DENND5B: variants seen among roughly 807,000 people sequenced by gnomAD.
DENND5B encodes DENN domain containing 5B.
In DENND5B, 34 loss-of-function variants were observed where a neutral mutation model predicts 140.6. The observed-to-expected ratio is 0.24, with a 90% confidence interval of 0.18 to 0.32. DENND5B has a LOEUF of 0.32. DENND5B is among the 10% of genes least tolerant of loss of function. The pLI, the probability that DENND5B is intolerant of heterozygous loss-of-function variation, is 1.00. For synonymous variants in DENND5B, 551 were observed against 562.1 expected, an observed-to-expected ratio of 0.98 and a Z score of 0.28; for missense variants, 1,142 against 1,560.2, an observed-to-expected ratio of 0.73 and a Z score of 4.52.
intron 1 of DENND5B, among the ~76,000 whole-genome samples, chr12:31,560,940 G>T (rs569259587): frequency 1.7e-5 from 2 of 117,034 alleles, no homozygotes; most frequent in Non-Finnish European, 4.4e-5. Context: ...CTACCAAAAA[G>T]AGAGAGTAAA....
At position 31,392,663 on chromosome 12, in the gene DENND5B, C is replaced by A; in HGVS notation, c.3290G>T (p.Gly1097Val). The A allele has an allele frequency of 6.4e-7, 1 of 1,558,200 alleles. No homozygotes were observed. Among genetic ancestry groups the A allele is most frequent in the Non-Finnish European group, 8.7e-7 (1 of 1,149,850 alleles). Reference sequence around the variant, plus strand: ...TTTCACAATATTGTTCACAGCTTCTCCAATTCCTTCTTGTATCTGCCCAGC... The same window carrying A: ...TTTCACAATATTGTTCACAGCTTCTACAATTCCTTCTTGTATCTGCCCAGC... ...PNAGQIQEGIGEAVNNIVKHF... is the reference protein window; with the variant it reads ...PNAGQIQEGIVEAVNNIVKHF... The change falls in exon 18 of 21, where the codon GGA (glycine) becomes GTA (valine). Residue 1097 changes from glycine (G) to valine (V), a missense_variant. Physicochemically the swap from Gly to Val is moderately radical, Grantham distance 109. Coordinates refer to ENST00000389082, the MANE Select transcript of DENND5B (RefSeq NM_144973.4).
chr12:31,404,420 C>T (rs1242547195), intron 14 of DENND5B, among the ~76,000 whole-genome samples: 2 of 152,140 alleles, frequency 1.3e-5, no homozygotes, highest in African/African-American at 4.8e-5. Flanking sequence ...TCTCAGCCTC[C>T]CCAGCAGTTG....
chr12:31,581,968 T>C (rs945327937), intron 1 of DENND5B, among the ~76,000 whole-genome samples: 21 of 147,322 alleles, frequency 1.4e-4, no homozygotes, highest in Non-Finnish European at 2.4e-4. Flanking sequence ...CGATGCAAAT[T>C]CCATGTAAAT....
Position 31,476,138 on chromosome 12 carries a change from T to A in DENND5B, c.904+3451A>T, listed in dbSNP as rs531809067. ...AAGACTCCGTCTCAATAAAAAAAAATAAAAATAAAAAATAAAAGAGGAAGT... is the reference window on the plus strand; with the variant it reads ...AAGACTCCGTCTCAATAAAAAAAAAAAAAAATAAAAAATAAAAGAGGAAGT... On this transcript the variant is annotated intron_variant, in intron 3 of 20. Coordinates refer to ENST00000389082, the MANE Select transcript of DENND5B (RefSeq NM_144973.4). Among the ~76,000 whole-genome samples the A allele has an allele frequency of 7.4e-3, 1,098 of 148,772 alleles. 5 individuals are homozygous for A. The highest frequency in any genetic ancestry group is 0.011 in the Non-Finnish European group (721 of 67,202).
At position 31,406,687 on chromosome 12, in the gene DENND5B, C is replaced by A. The variant is rs145260522; in HGVS notation, c.2803+2576G>T. ...ATTTCATAGTTTAAGTATGAAAAAG[C>A]AATATGATTAAATTTAAAAATTTCT... On this transcript the variant is annotated intron_variant, in intron 14 of 20. Transcript: ENST00000389082. Among the ~76,000 whole-genome samples the A allele has an allele frequency of 4.2e-3, 635 of 152,214 alleles. 5 individuals are homozygous for A. Among genetic ancestry groups the A allele is most frequent in the African/African-American group, 0.014 (578 of 41,524 alleles).
intron 1 of DENND5B, among the ~76,000 whole-genome samples, chr12:31,571,977 C>T (rs1315231750): frequency 6.6e-6 from 1 of 152,188 alleles, no homozygotes; most frequent in East Asian, 1.9e-4. Context: ...GTAATCTCAG[C>T]ACTTTGGGAG....
In DENND5B at chr12:31,455,932, T is replaced by C. The variant is rs559449765; in HGVS notation, c.1093-3456A>G. Among the ~76,000 whole-genome samples the C allele has an allele frequency of 1.2e-3, 178 of 152,192 alleles. 2 individuals are homozygous for C. The highest frequency in any genetic ancestry group is 4.2e-3 in the African/African-American group (176 of 41,514). On this transcript the variant is annotated intron_variant, in intron 4 of 20. Transcript: ENST00000389082. The stretch of plus-strand genomic sequence containing the variant: ...TAGTTGAGAGGTTGAGGCAGGAGAA[T>C]CACTTGAACCCAGGAGGCAGAGGTT...
chr12:31,414,073 T>C (rs1226865435), intron 12 of DENND5B, among the ~76,000 whole-genome samples: 3 of 152,212 alleles, frequency 2.0e-5, no homozygotes, highest in Non-Finnish European at 2.9e-5. Context: ...CCAGACTGCA[T>C]TGATAATCTT....
At chr12:31,500,677 CAAAAAAAAAAA>C (rs58877023) in intron 1 of DENND5B, 10,691 of 90,962 alleles carry the variant, frequency 0.12, 919 homozygotes, top group African/African-American at 0.29. Context: ...GAGACTGTCA[CAAAAAAAAAAA>C]AAAAAAAAAA....
intron 1 of DENND5B, chr12:31,534,897 G>A (rs1429407107): frequency 1.8e-5 from 7 of 392,416 alleles, no homozygotes; most frequent in Non-Finnish European, 3.0e-5. Flanking sequence ...GCAGCAAGAT[G>A]CAAAGGGGTC....
At chr12:31,449,048 G>C (rs929287028) in intron 5 of DENND5B, among the ~76,000 whole-genome samples, 1 of 152,106 alleles carries the variant, frequency 6.6e-6, no homozygotes, top group Non-Finnish European at 1.5e-5. Flanking sequence ...TGTGTACAGG[G>C]ATTCTACATT....
intron 1 of DENND5B, among the ~76,000 whole-genome samples, chr12:31,543,902 C>T (rs1207373990): frequency 6.6e-6 from 1 of 152,212 alleles, no homozygotes; most frequent in African/African-American, 2.4e-5. Flanking sequence ...GGCACAATGG[C>T]TCACGCCTGT....
Position 31,590,807 on chromosome 12 carries a change from C to A in DENND5B, c.26G>T (p.Gly9Val). MSGSCAAP[G>V]PGSGSSPAAC... ...GGCCGGGGAGGAGCCCGAGCCCGGG[C>A]CGGGCGCCGCGCAGCTCCCGCTCAT... is the stretch of plus-strand genomic sequence containing the variant. Residue 9 changes from glycine to valine, a missense_variant, in exon 1 of 21, where the codon GGC (glycine) becomes GTC (valine). By Grantham distance (109) the Gly-to-Val change is moderately radical. This residue lies in a region of DENND5B where 708 missense variants were observed against 905.5 expected (regional missense o/e 0.78). Coordinates refer to ENST00000389082, the MANE Select transcript of DENND5B (RefSeq NM_144973.4). The A allele has an allele frequency of 7.7e-7, 1 of 1,301,316 alleles. No individual in the cohort carries two copies. Among genetic ancestry groups the A allele is most frequent in the Non-Finnish European group, 9.7e-7 (1 of 1,027,586 alleles). The allele number at this position is 1,301,316 out of a possible 1,614,324, so 80.6% of individuals were successfully genotyped here.
chr12:31,407,993 T>C (rs1394292980), intron 14 of DENND5B, among the ~76,000 whole-genome samples: 1 of 152,144 alleles, frequency 6.6e-6, no homozygotes, highest in Non-Finnish European at 1.5e-5. Context: ...CATTCGGCTT[T>C]CTATAAAAAA....
At chr12:31,570,439 C>T (rs1416990431) in intron 1 of DENND5B, among the ~76,000 whole-genome samples, 3 of 151,376 alleles carry the variant, frequency 2.0e-5, no homozygotes, top group East Asian at 2.0e-4. Flanking sequence ...CCACCACACC[C>T]GGCTAATTTT....
chr12:31,545,593 T>A (rs927913785), intron 1 of DENND5B, among the ~76,000 whole-genome samples: 1 of 152,142 alleles, frequency 6.6e-6, no homozygotes, highest in African/African-American at 2.4e-5. Context: ...AAAATGTATG[T>A]AGTAATGAAA....
rs56299943 is a variant in DENND5B at position 31,437,146 on chromosome 12, CT to C, written c.2013-3899del. Among the ~76,000 whole-genome samples the C allele has an allele frequency of 4.9e-3, 706 of 144,902 alleles. 7 individuals carry two copies. The highest frequency in any genetic ancestry group is 0.013 in the African/African-American group (513 of 39,668). On this transcript the variant is annotated intron_variant, in intron 7 of 20. Coordinates refer to ENST00000389082, the MANE Select transcript of DENND5B (RefSeq NM_144973.4). Reference sequence around the variant, plus strand: ...AGTCTACTATAGCACCTGCCCCCCCCTTTTTTTTTTTTTTGAGACGGAGTCT... The same window carrying C: ...AGTCTACTATAGCACCTGCCCCCCCCTTTTTTTTTTTTTGAGACGGAGTCT...
At chr12:31,524,097 C>T (rs1309599184) in intron 1 of DENND5B, among the ~76,000 whole-genome samples, 1 of 145,554 alleles carries the variant, frequency 6.9e-6, no homozygotes, top group Non-Finnish European at 1.5e-5. Flanking sequence ...TGGCACAATC[C>T]AAGTGGTGAC....
chr12:31,587,079 A>C (rs941749033), intron 1 of DENND5B, among the ~76,000 whole-genome samples: 1 of 151,752 alleles, frequency 6.6e-6, no homozygotes, highest in African/African-American at 2.4e-5. Flanking sequence ...CATCCTCCCC[A>C]CCTATGCATG....
Sources: gnomAD v4.1 joint callset for allele counts (sites outside exome capture counted in the v4.1 genomes callset) on GRCh38, gnomAD v4.1.1 for gene constraint, gnomAD v4.1.1 regional missense constraint, MANE v1.5 for transcripts, NCBI Gene and HGNC (gene_info 2026-07-23, HGNC 2026-07-21) for gene names.